The following ATRNL1 variants were observed in gnomAD, a reference collection of about 807,000 sequenced individuals.
The protein encoded by ATRNL1 is attractin like 1, also known as attractin-like protein 1.
ATRNL1 carries 95 observed loss-of-function variants against 182.7 expected under a neutral mutation model. The observed-to-expected ratio is 0.52, with a 90% CI of 0.44 to 0.62. The LOEUF (loss-of-function observed/expected upper bound fraction) is 0.62, where lower values mean the gene tolerates loss of function less well. Among genes scored for constraint, ATRNL1 ranks in the 20% least tolerant of loss-of-function variants. The pLI is 0.00. For synonymous variants in ATRNL1, 576 were observed against 568.3 expected (o/e 1.01, Z -0.19); for missense variants, 1,471 against 1,679.5 (o/e 0.88, Z 2.17).
intron 24 of ATRNL1, among the ~76,000 whole-genome samples, chr10:115,481,556 T>C (rs1490861417): frequency 1.3e-5 from 2 of 150,822 alleles, no homozygotes; most frequent in Non-Finnish European, 3.0e-5. Flanking sequence ...AGTAGGCAAT[T>C]GAATTGAGAT....
chr10:115,368,742 C>A (rs1332946588), intron 19 of ATRNL1, among the ~76,000 whole-genome samples: 1 of 141,912 alleles, frequency 7.0e-6, no homozygotes, highest in Non-Finnish European at 1.5e-5. Context: ...GAGGTGAATT[C>A]TCGCTCTTCC....
rs1564990408 is a variant in ATRNL1 at position 115,389,596 on chromosome 10, TCC to T, written c.3176-5062_3176-5061del. 1.0e-3 allele frequency among the ~76,000 whole-genome samples: 94 copies of T among 92,982 alleles called. 4 individuals are homozygous for T. The highest frequency in any genetic ancestry group is 3.2e-3 in the African/African-American group (85 of 26,946). The allele number at this position is 92,982 out of a possible 152,430, so 61.0% of individuals were successfully genotyped here. On this transcript the variant is annotated intron_variant, in intron 19 of 28. Coordinates refer to ENST00000355044, the MANE Select transcript of ATRNL1 (RefSeq NM_207303.4). ...TATATATATATATATATATATTTCA[TCC>T]AATGATGGACACCTAGGTTGCATCT...
At chr10:115,573,976 G>A (rs1555004273) in intron 26 of ATRNL1, among the ~76,000 whole-genome samples, 1 of 152,130 alleles carries the variant, frequency 6.6e-6, no homozygotes, top group East Asian at 1.9e-4. Context: ...CCGATTGTAG[G>A]AGAACCTGTG....
intron 26 of ATRNL1, among the ~76,000 whole-genome samples, chr10:115,713,407 T>C (rs1483693793): frequency 1.3e-5 from 2 of 150,456 alleles, no homozygotes; most frequent in Non-Finnish European, 3.0e-5. Flanking sequence ...TAGAGAATAA[T>C]GCGGAGAAAA....
chr10:115,713,221 A>G (rs892388606), intron 26 of ATRNL1, among the ~76,000 whole-genome samples: 1 of 152,192 alleles, frequency 6.6e-6, no homozygotes, highest in Admixed American at 6.5e-5. Context: ...TGTAAGTTTC[A>G]TCCATAGGTC....
chr10:115,661,075 CTA>C (rs1301714982), intron 26 of ATRNL1, among the ~76,000 whole-genome samples: 1 of 151,962 alleles, frequency 6.6e-6, no homozygotes, highest in Non-Finnish European at 1.5e-5. Context: ...AAGGCAAAGA[CTA>C]TATTTTTTTT....
chr10:115,414,388 C>A (rs1233451951), intron 20 of ATRNL1, among the ~76,000 whole-genome samples: 1 of 151,758 alleles, frequency 6.6e-6, no homozygotes, highest in Admixed American at 6.6e-5. Flanking sequence ...CCTTACCTCT[C>A]CTCCTATTTC....
chr10:115,938,344 G>A (rs1403858086), intron 28 of ATRNL1, among the ~76,000 whole-genome samples: 1 of 152,136 alleles, frequency 6.6e-6, no homozygotes, highest in African/African-American at 2.4e-5. Flanking sequence ...TGCAAATTTA[G>A]TGGTTTAAAA....
intron 27 of ATRNL1, among the ~76,000 whole-genome samples, chr10:115,731,536 G>A (rs1180340400): frequency 1.3e-5 from 2 of 151,432 alleles, no homozygotes; most frequent in African/African-American, 4.9e-5. Flanking sequence ...TTCTCGTTTA[G>A]GAAAGGCCTT....
At chr10:115,352,982 A>G (rs1856332431) in intron 19 of ATRNL1, among the ~76,000 whole-genome samples, 1 of 152,214 alleles carries the variant, frequency 6.6e-6, no homozygotes, top group African/African-American at 2.4e-5. Flanking sequence ...TTCCTGGCCT[A>G]AGAGATGGTC....
intron 8 of ATRNL1, among the ~76,000 whole-genome samples, chr10:115,184,225 C>A (rs536801851): frequency 6.6e-6 from 1 of 151,324 alleles, no homozygotes; most frequent in East Asian, 1.9e-4. Context: ...GAATGGATGG[C>A]TACTGTATGA....
intron 28 of ATRNL1, among the ~76,000 whole-genome samples, chr10:115,902,039 G>A: frequency 6.6e-6 from 1 of 152,156 alleles, no homozygotes. Context: ...TTGTTTTGGA[G>A]ATCTTTTAAC....
intron 21 of ATRNL1, among the ~76,000 whole-genome samples, chr10:115,434,175 A>ATAT (rs2307499): frequency 0.1 from 15,573 of 152,134 alleles, 2,629 homozygotes; most frequent in African/African-American, 0.35. Context: ...AACATGCATA[A>ATAT]TATTATTGTG....
At chr10:115,561,704 G>GGGGGGTGT (rs1554999765) in intron 26 of ATRNL1, among the ~76,000 whole-genome samples, 2 of 145,032 alleles carry the variant, frequency 1.4e-5, no homozygotes, top group African/African-American at 2.6e-5. Flanking sequence ...TGTGTGTGTG[G>GGGGGGTGT]GTGTGTGTGT....
chr10:115,424,955 T>C (rs1351342655), intron 20 of ATRNL1, among the ~76,000 whole-genome samples: 1 of 152,146 alleles, frequency 6.6e-6, no homozygotes, highest in African/African-American at 2.4e-5. Flanking sequence ...TGTTTGGAAA[T>C]GTCACAGAAA....
intron 19 of ATRNL1, among the ~76,000 whole-genome samples, chr10:115,366,501 G>T (rs1857049156): frequency 6.6e-6 from 1 of 152,022 alleles, no homozygotes; most frequent in East Asian, 1.9e-4. Flanking sequence ...TTTAATTGGA[G>T]CGTTTAGTCC....
At chr10:115,700,052 G>A (rs1362425583) in intron 26 of ATRNL1, among the ~76,000 whole-genome samples, 1 of 152,142 alleles carries the variant, frequency 6.6e-6, no homozygotes, top group Non-Finnish European at 1.5e-5. Flanking sequence ...GAATTCCATG[G>A]TGTATATGTA....
In ATRNL1 at chr10:115,127,576, GT is replaced by G; in HGVS notation, c.492-13del. On this transcript the variant is annotated splice_polypyrimidine_tract_variant and intron_variant, in intron 3 of 28. Coordinates refer to ENST00000355044, the MANE Select transcript of ATRNL1 (RefSeq NM_207303.4). ...TGTATATCTATACATACAATATTCA[GT>G]TTTGTTCTCTTTTAGTGGTTTGATA... is the stretch of plus-strand genomic sequence containing the variant. 6.3e-7 allele frequency: 1 copy of G among 1,599,310 alleles called. No homozygotes were observed. The highest frequency in any genetic ancestry group is 8.5e-7 in the Non-Finnish European group (1 of 1,171,656).
intron 19 of ATRNL1, among the ~76,000 whole-genome samples, chr10:115,386,643 G>A (rs1425125862): frequency 1.3e-5 from 2 of 151,616 alleles, no homozygotes; most frequent in East Asian, 1.9e-4. Flanking sequence ...TACATCAAAG[G>A]TTAGTCTTTT....
Sources: allele counts gnomAD v4.1 joint callset (sites outside exome capture counted in the v4.1 genomes callset), GRCh38; gene constraint gnomAD v4.1.1; transcripts MANE v1.5; gene names NCBI Gene and HGNC (gene_info 2026-07-23, HGNC 2026-07-21).